Variants in TMEM47 observed in about 807,000 individuals in gnomAD.
The protein encoded by TMEM47 is brain cell membrane protein 1.
In TMEM47, 3 loss-of-function variants were observed where a neutral mutation model predicts 12.4. The ratio of observed to expected loss-of-function variants is 0.24; its 90% CI spans 0.11 to 0.63. The LOEUF is 0.63. Ranked by LOEUF, TMEM47 falls within the 20% of genes least tolerant of loss-of-function variation. The probability of loss-of-function intolerance (pLI) is 0.86; values close to 1 mark genes in which losing one functional copy is unlikely to be tolerated. For missense variants in TMEM47, 89 were observed against 143.8 expected, an observed-to-expected ratio of 0.62 and a Z score of 1.95; for synonymous variants, 62 against 63.3, an observed-to-expected ratio of 0.98 and a Z score of 0.10.
At chrX:34,640,415 A>G (rs897974815) in intron 1 of TMEM47, among the ~76,000 whole-genome samples, 1 of 111,923 alleles carries the variant, frequency 8.9e-6, no homozygotes, top group South Asian at 3.7e-4. Context: ...ATGATGAAAA[A>G]CTGGCCCATT....
chrX:34,637,840 G>A (rs779210677), intron 2 of TMEM47, among the ~76,000 whole-genome samples: 1 of 111,014 alleles, frequency 9.0e-6, no homozygotes, highest in East Asian at 2.9e-4. Flanking sequence ...TACTGCACAT[G>A]TCTCGGCAGA....
chrX:34,636,935 G>A (rs942683274), intron 2 of TMEM47, among the ~76,000 whole-genome samples: 9 of 111,820 alleles, frequency 8.0e-5, no homozygotes, highest in African/African-American at 2.9e-4. Context: ...CCTCATTCGG[G>A]CTTTCAAGTC....
At chrX:34,641,054 G>A (rs1203415352) in intron 1 of TMEM47, among the ~76,000 whole-genome samples, 1 of 106,936 alleles carries the variant, frequency 9.4e-6, no homozygotes, top group African/African-American at 3.4e-5. Flanking sequence ...GCCATACTGG[G>A]CTTTTTTATT....
At chrX:34,648,584 TA>T (rs765929588) in intron 1 of TMEM47, among the ~76,000 whole-genome samples, 48 of 111,889 alleles carry the variant, frequency 4.3e-4, no homozygotes, top group Non-Finnish European at 7.0e-4. Flanking sequence ...AACTATAAAC[TA>T]CGTTGTCAAC....
At chrX:34,639,117 A>G in intron 2 of TMEM47, 130 bp downstream of exon 2, 1 of 830,863 alleles carries the variant, frequency 1.2e-6, no homozygotes, top group Non-Finnish European at 1.7e-6. Context: ...AAGTTACCTT[A>G]AAAATATAGT....
rs370223384 is a variant in TMEM47, at chrX:34,650,816, G to A, written c.226+5988C>T. 1.7e-4 allele frequency among the ~76,000 whole-genome samples: 19 copies of A among 112,075 alleles called. No homozygotes were observed. The East Asian group carries it at 5.1e-3, about 30-fold the overall frequency. On this transcript the variant is annotated intron_variant, in intron 1 of 2. Coordinates refer to ENST00000275954, the MANE Select transcript of TMEM47 (RefSeq NM_031442.4). ...AGGTTTTACATGTATCTCTCTGTTT[G>A]TGGAAAAGTTAGGTTCTCGAGTTCA...
At chrX:34,641,844 G>A (rs1356833842) in intron 1 of TMEM47, among the ~76,000 whole-genome samples, 1 of 111,939 alleles carries the variant, frequency 8.9e-6, no homozygotes, top group Admixed American at 9.4e-5. Flanking sequence ...AGCTGGCTGT[G>A]CCCCAATAAA....
chrX:34,654,501 A>G (rs1237346612), intron 1 of TMEM47, among the ~76,000 whole-genome samples: 1 of 112,192 alleles, frequency 8.9e-6, no homozygotes, highest in Non-Finnish European at 1.9e-5. Context: ...TGGAACAGAC[A>G]AGAAAAGCAC....
chrX:34,642,302 C>T (rs1292888494), intron 1 of TMEM47, among the ~76,000 whole-genome samples: 3 of 112,614 alleles, frequency 2.7e-5, no homozygotes, highest in East Asian at 2.8e-4. Flanking sequence ...ACAAAACACA[C>T]AATGAAGTTA....
chrX:34,630,593 A>G (rs1158004875), intron 2 of TMEM47, 102 bp from the exon 3 acceptor site: 4 of 839,780 alleles, frequency 4.8e-6, no homozygotes, highest in Non-Finnish European at 6.3e-6. Context: ...GTAATCAAAT[A>G]TACATAAAAG....
chrX:34,639,307 T>C lies in TMEM47; in HGVS notation c.307A>G (p.Ile103Val), dbSNP rs759642993. The C allele has an allele frequency of 8.3e-7, 1 of 1,205,594 alleles. No individual in the cohort carries two copies. The highest frequency in any genetic ancestry group is 1.8e-5 in the South Asian group (1 of 55,978). ...LIAFLVGLIS[I>V]CVGSRRRFYR... ...AAACGCCTTCGAGATCCCACGCAGA[T>C]AGAAATCAAACCCACCAGGAATGCA... The change falls in exon 2 of 3, where the codon ATC (isoleucine) becomes GTC (valine). Residue 103 changes from isoleucine (I) to valine (V), a missense_variant. Physicochemically the swap from Ile to Val is conservative, Grantham distance 29. Coordinates refer to ENST00000275954, the MANE Select transcript of TMEM47 (RefSeq NM_031442.4).
At chrX:34,644,424 G>C (rs770009832) in intron 1 of TMEM47, among the ~76,000 whole-genome samples, 112 of 112,305 alleles carry the variant, frequency 1.0e-3, no homozygotes, top group African/African-American at 3.5e-3. Flanking sequence ...TTCCCTTAGG[G>C]AATTCATGAT....
Position 34,655,578 on chromosome X carries a change from C to T in TMEM47, c.226+1226G>A, listed in dbSNP as rs745554427. Reference sequence around the variant, plus strand: ...TACAGAAGAAACTTGGTCAAATTTTCCTGTGTTATAACAGGAAACCAAAGA... The same window carrying T: ...TACAGAAGAAACTTGGTCAAATTTTTCTGTGTTATAACAGGAAACCAAAGA... On this transcript the variant is annotated intron_variant, in intron 1 of 2. Transcript: ENST00000275954. Among the ~76,000 whole-genome samples, 4 of 111,764 alleles carry T rather than the reference C, an allele frequency of 3.6e-5. No individual in the cohort carries two copies. The South Asian group carries it at 1.5e-3, about 42-fold the overall frequency.
chrX:34,656,315 T>C (rs1423542646), intron 1 of TMEM47, among the ~76,000 whole-genome samples: 1 of 109,908 alleles, frequency 9.1e-6, no homozygotes, highest in Non-Finnish European at 1.9e-5. Flanking sequence ...GCAGATAAGG[T>C]GGAGTGGAAC....
intron 2 of TMEM47, 133 bp downstream of exon 2, chrX:34,639,114 C>A: frequency 1.2e-6 from 1 of 814,302 alleles, no homozygotes; most frequent in Non-Finnish European, 1.7e-6. Context: ...GCCAAGTTAC[C>A]TTAAAAATAT....
At chrX:34,634,753 C>A (rs1921684263) in intron 2 of TMEM47, among the ~76,000 whole-genome samples, 1 of 111,618 alleles carries the variant, frequency 9.0e-6, no homozygotes, top group African/African-American at 3.3e-5. Context: ...GAAAGGTGGT[C>A]AGAAGAGGCA....
Position 34,634,112 on chromosome X carries a change from T to C in TMEM47, c.368-3621A>G, listed in dbSNP as rs541900306. Among the ~76,000 whole-genome samples, 67 of 111,361 alleles carry C rather than the reference T, an allele frequency of 6.0e-4. No individual in the cohort carries two copies. The South Asian group carries it at 0.025, about 41-fold the overall frequency. ...TTCAGAAGTCAGGAAAATGCCATTA[T>C]ACTATATTTCTATTTTACTACCAAT... On this transcript the variant is annotated intron_variant, in intron 2 of 2. Transcript: ENST00000275954.
chrX:34,654,631 T>C (rs1922072690), intron 1 of TMEM47, among the ~76,000 whole-genome samples: 1 of 111,626 alleles, frequency 9.0e-6, no homozygotes. Context: ...ATTTTCCATA[T>C]CTTGTTTCCT....
chrX:34,630,406 C>G lies in TMEM47; in HGVS notation c.453G>C (p.Trp151Cys). Residue 151 changes from tryptophan (W) to cysteine (C), a missense_variant, in exon 3 of 3, where the codon TGG (tryptophan) becomes TGC (cysteine). Coordinates refer to ENST00000275954, the MANE Select transcript of TMEM47 (RefSeq NM_031442.4). ...VSLKIYHEFN[W>C]GYGLAWGATI... ...TTGCACCCCAGGCCAGGCCATAACCCCAGTTGAACTCATGGTAAATTTTCA... is the reference window on the plus strand; with the variant it reads ...TTGCACCCCAGGCCAGGCCATAACCGCAGTTGAACTCATGGTAAATTTTCA... 8.3e-7 allele frequency: 1 copy of G among 1,210,077 alleles called. No individual in the cohort carries two copies. Among genetic ancestry groups the G allele is most frequent in the Non-Finnish European group, 1.1e-6 (1 of 894,619 alleles).
Sources: gnomAD v4.1 joint callset for allele counts (sites outside exome capture counted in the v4.1 genomes callset) on GRCh38, gnomAD v4.1.1 for gene constraint, MANE v1.5 for transcripts, NCBI Gene and HGNC (gene_info 2026-07-23, HGNC 2026-07-21) for gene names.